The following COL4A6 variants were observed in gnomAD, a reference collection of about 807,000 sequenced individuals.
COL4A6 encodes the protein collagen type IV alpha 6 chain, also known as collagen alpha-6(IV) chain.
In COL4A6, 59 loss-of-function variants were observed where a neutral mutation model predicts 126.7. The observed-to-expected ratio is 0.47, with a 90% confidence interval of 0.38 to 0.58. The LOEUF (loss-of-function observed/expected upper bound fraction) is 0.58. COL4A6 is among the 20% of genes least tolerant of loss of function. COL4A6 has a pLI of 0.00. For synonymous variants in COL4A6, 547 were observed against 496.6 expected, an observed-to-expected ratio of 1.10 and a Z score of -1.35; for missense variants, 1,285 against 1,337.3, an observed-to-expected ratio of 0.96 and a Z score of 0.61.
At chrX:108,408,335 G>GAGAAAGAA (rs60742058) in intron 2 of COL4A6, among the ~76,000 whole-genome samples, 106 of 100,847 alleles carry the variant, frequency 1.1e-3, no homozygotes, top group African/African-American at 3.6e-3. Context: ...AAAAGAAAGA[G>GAGAAAGAA]AGAAAGAAAG....
In COL4A6 at chrX:108,305,094, A is replaced by G. The variant is rs182608563; in HGVS notation, c.144+5654T>C. The stretch of plus-strand genomic sequence containing the variant: ...GAGAGCAGACAAGTGAAGAGAAATG[A>G]TGGTAAGAGTAGACAACCCCAGCCT... On this transcript the variant is annotated intron_variant, in intron 3 of 44. Coordinates refer to ENST00000334504, the MANE Select transcript of COL4A6 (RefSeq NM_033641.4). Among the ~76,000 whole-genome samples, 16 of 111,994 alleles carry G rather than the reference A, an allele frequency of 1.4e-4. No individual in the cohort carries two copies. The East Asian group carries it at 3.6e-3, about 26-fold the overall frequency.
chrX:108,226,561 C>T (rs2148280011), intron 3 of COL4A6, among the ~76,000 whole-genome samples: 1 of 110,978 alleles, frequency 9.0e-6, no homozygotes, highest in Non-Finnish European at 1.9e-5. Flanking sequence ...GATTTCTCTT[C>T]TGATTGTGCC....
chrX:108,357,051 T>TCTAGG (rs1396913193), intron 2 of COL4A6, among the ~76,000 whole-genome samples: 8 of 112,146 alleles, frequency 7.1e-5, no homozygotes, highest in African/African-American at 2.6e-4. Context: ...ATTACCTCTT[T>TCTAGG]CTAGGCTGTT....
chrX:108,310,005 A>AT lies in COL4A6; in HGVS notation c.144+742dup, dbSNP rs775462593. 4.1e-3 allele frequency among the ~76,000 whole-genome samples: 445 copies of AT among 109,600 alleles called. 3 individuals are homozygous for AT. Among genetic ancestry groups the AT allele is most frequent in the African/African-American group, 0.013 (395 of 30,200 alleles). ...GATGCTCAACTTGTGTATGTGTCTA[A>AT]TTTTTTTTTCAGATTGAACCCCTTT... On this transcript the variant is annotated intron_variant, in intron 3 of 44. Transcript: ENST00000334504.
At chrX:108,211,000 G>C (rs2035685294) in intron 7 of COL4A6, among the ~76,000 whole-genome samples, 1 of 111,619 alleles carries the variant, frequency 9.0e-6, no homozygotes, top group Non-Finnish European at 1.9e-5. Context: ...CAGATGTTGG[G>C]CACATACATT....
chrX:108,157,778 G>A (rs1386820405), intron 44 of COL4A6, among the ~76,000 whole-genome samples: 1 of 111,641 alleles, frequency 9.0e-6, no homozygotes, highest in African/African-American at 3.3e-5. Flanking sequence ...CAAATACCCT[G>A]GCCCTCACCT....
At chrX:108,336,176 T>C (rs780379985) in intron 2 of COL4A6, among the ~76,000 whole-genome samples, 1 of 111,862 alleles carries the variant, frequency 8.9e-6, no homozygotes, top group Admixed American at 9.5e-5. Flanking sequence ...CAAAAACTTC[T>C]ACGCCAATGT....
intron 3 of COL4A6, among the ~76,000 whole-genome samples, chrX:108,308,884 T>C (rs968372949): frequency 9.9e-5 from 11 of 111,641 alleles, no homozygotes; most frequent in Non-Finnish European, 1.9e-4. Context: ...ACTCTAAGAT[T>C]TTCACTGTAG....
At chrX:108,213,950 G>C (rs2035783937) in intron 6 of COL4A6, 162 bp downstream of exon 6, 1 of 470,618 alleles carries the variant, frequency 2.1e-6, no homozygotes, top group Non-Finnish European at 3.7e-6. Context: ...TTCTTCTTTA[G>C]ACTTTTACTG....
chrX:108,164,750 G>A, intron 39 of COL4A6, 52 bp from the exon 40 acceptor site: 1 of 1,186,973 alleles, frequency 8.4e-7, no homozygotes, highest in Non-Finnish European at 1.1e-6. Flanking sequence ...AGGGGTGGTA[G>A]GGGTGGAGGA....
intron 3 of COL4A6, among the ~76,000 whole-genome samples, chrX:108,300,262 A>G (rs1345381613): frequency 1.8e-5 from 2 of 110,951 alleles, no homozygotes; most frequent in Admixed American, 9.6e-5. Context: ...AGCTAGAACT[A>G]TTTTCCAGCT....
At chrX:108,247,273 G>A (rs1242000262) in intron 3 of COL4A6, among the ~76,000 whole-genome samples, 1 of 111,905 alleles carries the variant, frequency 8.9e-6, no homozygotes, top group Non-Finnish European at 1.9e-5. Context: ...ATGGAACGAT[G>A]TTAATAAGAG....
intron 3 of COL4A6, among the ~76,000 whole-genome samples, chrX:108,256,388 T>A (rs2037007589): frequency 8.9e-6 from 1 of 112,229 alleles, no homozygotes; most frequent in Non-Finnish European, 1.9e-5. Flanking sequence ...TTACAGCATT[T>A]ATTATGTGTC....
At chrX:108,372,119 A>G (rs1303002915) in intron 2 of COL4A6, among the ~76,000 whole-genome samples, 1 of 111,175 alleles carries the variant, frequency 9.0e-6, no homozygotes, top group Non-Finnish European at 1.9e-5. Context: ...AGGGAGACTA[A>G]CAGTCATTTT....
chrX:108,292,993 C>CAAAAAAAA (rs149076547), intron 3 of COL4A6, among the ~76,000 whole-genome samples: 10 of 14,561 alleles, frequency 6.9e-4, no homozygotes, highest in Non-Finnish European at 9.7e-4. Context: ...AGGAAAAAAG[C>CAAAAAAAA]AAAAAAAAAA....
intron 6 of COL4A6, chrX:108,213,730 G>T: frequency 7.0e-6 from 1 of 141,970 alleles, no homozygotes; most frequent in Non-Finnish European, 1.4e-5. Flanking sequence ...AAGCCCCTTT[G>T]GGTTTTGGTT....
chrX:108,191,381 T>C lies in COL4A6; in HGVS notation c.1321+12A>G, dbSNP rs1274758611. On this transcript the variant is annotated intron_variant, in intron 19 of 44. Coordinates refer to ENST00000334504, the MANE Select transcript of COL4A6 (RefSeq NM_033641.4). ...TGAATCTTGAGACCAAAAAGAGAAA[T>C]GAGTAACTTACTAGGTGGGCCTGGT... is the stretch of plus-strand genomic sequence containing the variant. 1 of 1,206,203 alleles carries C rather than the reference T, an allele frequency of 8.3e-7. No individual in the cohort carries two copies. The highest frequency in any genetic ancestry group is 1.7e-5 in the African/African-American group (1 of 57,432).
In COL4A6 at chrX:108,188,681, G is replaced by C; in HGVS notation, c.1427-4C>G. On this transcript the variant is annotated splice_region_variant and splice_polypyrimidine_tract_variant and intron_variant, in intron 20 of 44. Coordinates refer to ENST00000334504, the MANE Select transcript of COL4A6 (RefSeq NM_033641.4). ...CAAGCACAGAAACCTGAGTCTCCTG[G>C]GAGAAAAAGACAACATAGAACGAAG... is the stretch of plus-strand genomic sequence containing the variant. 1 of 1,139,277 alleles carries C rather than the reference G, an allele frequency of 8.8e-7. No individual in the cohort carries two copies. Among genetic ancestry groups the C allele is most frequent in the Non-Finnish European group, 1.2e-6 (1 of 860,260 alleles). 93.9% of individuals were successfully genotyped at this position (1,139,277 alleles called of 1,213,427 possible).
intron 3 of COL4A6, among the ~76,000 whole-genome samples, chrX:108,259,510 C>G (rs1486158709): frequency 9.0e-6 from 1 of 111,585 alleles, no homozygotes; most frequent in Non-Finnish European, 1.9e-5. Flanking sequence ...TTGCGGGATT[C>G]TCTCCGAGTT....
Sources: allele counts gnomAD v4.1 joint callset (sites outside exome capture counted in the v4.1 genomes callset), GRCh38; gene constraint gnomAD v4.1.1; transcripts MANE v1.5; gene names NCBI Gene and HGNC (gene_info 2026-07-23, HGNC 2026-07-21).